ERFL: variants seen among roughly 807,000 people sequenced by gnomAD.
ERFL encodes the protein ETS domain-containing transcription factor ERF-like.
In ERFL, 8 loss-of-function variants were observed where a neutral mutation model predicts 27.9. The observed-to-expected ratio is 0.29, with a 90% confidence interval of 0.17 to 0.52. The LOEUF is 0.52. Ranked by LOEUF, ERFL falls within the 20% of genes least tolerant of loss-of-function variation. ERFL has a pLI of 0.97. For missense variants in ERFL, 294 were observed against 444.4 expected (o/e 0.66, Z 3.04); for synonymous variants, 174 against 202.8 (o/e 0.86, Z 1.21).
At position 41,910,130 on chromosome 19, in the gene ERFL, C is replaced by T; in HGVS notation, c.68-33G>A. Reference sequence around the variant, plus strand: ...CGGGAGGCAGGGAGTGGCCTGGGGTCAGGATGCCAAGTCCAGGGCTCTGGG... The same window carrying T: ...CGGGAGGCAGGGAGTGGCCTGGGGTTAGGATGCCAAGTCCAGGGCTCTGGG... On this transcript the variant is annotated intron_variant, in intron 2 of 5. Transcript: ENST00000597630. This position sits in a 1 kb window ranked among gnomAD's most constrained non-coding sequence, Gnocchi z 4.4. The T allele has an allele frequency of 6.3e-7, 1 of 1,589,330 alleles. No homozygotes were observed. Among genetic ancestry groups the T allele is most frequent in the Non-Finnish European group, 8.6e-7 (1 of 1,167,648 alleles).
intron 1 of ERFL, among the ~76,000 whole-genome samples, chr19:41,914,660 CTGT>C (rs1555851623): frequency 2.4e-5 from 1 of 41,460 alleles, no homozygotes; most frequent in Non-Finnish European, 4.0e-5. Context: ...TCCACCATCT[CTGT>C]CTCTCCCTCC....
chr19:41,917,899 G>A lies in ERFL; in HGVS notation c.-13-4967C>T, dbSNP rs921977046. ...AACACCCTGTCCCATCTGGGTGCACGAAGCCAGCTCCCCGCGGTCACACAC... is the reference window on the plus strand; with the variant it reads ...AACACCCTGTCCCATCTGGGTGCACAAAGCCAGCTCCCCGCGGTCACACAC... On this transcript the variant is annotated intron_variant, in intron 1 of 5. Coordinates refer to ENST00000597630, the MANE Select transcript of ERFL (RefSeq NM_001365103.2). The surrounding 1 kb of genome is among the most constrained non-coding windows in gnomAD (Gnocchi z 4.8). Among the ~76,000 whole-genome samples the A allele has an allele frequency of 3.3e-5, 5 of 151,854 alleles. No individual in the cohort carries two copies. Among genetic ancestry groups the A allele is most frequent in the African/African-American group, 9.7e-5 (4 of 41,246 alleles).
chr19:41,926,682 C>A, intron 1 of ERFL, among the ~76,000 whole-genome samples: 1 of 150,412 alleles, frequency 6.6e-6, no homozygotes, highest in South Asian at 2.2e-4. Context: ...CTTGGCGATG[C>A]GGAGCGCGTC....
chr19:41,914,079 A>AC (rs71181141), intron 1 of ERFL, among the ~76,000 whole-genome samples: 137,421 of 137,632 alleles, frequency 1, 68,605 homozygotes, highest in Middle Eastern at 1. Flanking sequence ...AGCCCCGCCT[A>AC]CCCCTGGACA....
Position 41,921,259 on chromosome 19 carries a change from G to C in ERFL, c.-14+6781C>G, listed in dbSNP as rs2074840664. Among the ~76,000 whole-genome samples the C allele has an allele frequency of 6.6e-6, 1 of 152,142 alleles. No homozygotes were observed. The highest frequency in any genetic ancestry group is 6.5e-5 in the Admixed American group (1 of 15,282). ...GAGGAACTGGAGGTTGGGGTGGGGG[G>C]CACAGAGAAGGGGAGACATGCAGGG... On this transcript the variant is annotated intron_variant, in intron 1 of 5. Transcript: ENST00000597630. This position sits in a 1 kb window ranked among gnomAD's most constrained non-coding sequence, Gnocchi z 4.4.
chr19:41,918,154 G>C (rs1384086392), intron 1 of ERFL, among the ~76,000 whole-genome samples: 1 of 151,898 alleles, frequency 6.6e-6, no homozygotes, highest in East Asian at 1.9e-4. Flanking sequence ...GCCTGACCCT[G>C]GTTGGGGGTG....
chr19:41,926,920 G>GTA (rs1393540714), intron 1 of ERFL, among the ~76,000 whole-genome samples: 3 of 152,178 alleles, frequency 2.0e-5, no homozygotes, highest in African/African-American at 7.2e-5. Flanking sequence ...GACAGAGACA[G>GTA]AGAGACAGTA....
intron 1 of ERFL, among the ~76,000 whole-genome samples, chr19:41,913,797 C>T: frequency 6.6e-6 from 1 of 150,818 alleles, no homozygotes; most frequent in South Asian, 2.1e-4. Context: ...ATGGCGCCTC[C>T]CCTCCACACA....
In ERFL at chr19:41,928,224, G is replaced by C. The variant is rs1474479613; in HGVS notation, c.-198C>G. 1 of 152,054 alleles carries C rather than the reference G, an allele frequency of 6.6e-6. No individual in the cohort carries two copies. Among genetic ancestry groups the C allele is most frequent in the Non-Finnish European group, 1.5e-5 (1 of 68,012 alleles). The allele number at this position is 152,054 out of a possible 1,614,324, so 9.4% of individuals were successfully genotyped here. ...GAGGAGAGGGAGTCTCTGAGACGCC[G>C]GGACAGGAGAGACTCAGAGACGGAG... On this transcript the variant is annotated 5_prime_UTR_variant, in exon 1 of 6. Coordinates refer to ENST00000597630, the MANE Select transcript of ERFL (RefSeq NM_001365103.2).
At chr19:41,913,161 GCCT>G (rs1350408244) in intron 1 of ERFL, among the ~76,000 whole-genome samples, 4 of 150,818 alleles carry the variant, frequency 2.7e-5, no homozygotes, top group Non-Finnish European at 5.9e-5. Flanking sequence ...TCCTCCCGCA[GCCT>G]CCTCCTCACT....
chr19:41,927,142 A>C (rs1555853336), intron 1 of ERFL, among the ~76,000 whole-genome samples: 1 of 152,172 alleles, frequency 6.6e-6, no homozygotes, highest in Non-Finnish European at 1.5e-5. Context: ...AGAGGTGGAC[A>C]CAGAGATGCT....
In ERFL at chr19:41,909,722, A is replaced by C; in HGVS notation, c.302+141T>G. Reference sequence around the variant, plus strand: ...TCCTCCTCGCCTCCCTTCCACTCACAAGTAGCGATGGTGGCTACTCACGCA... The same window carrying C: ...TCCTCCTCGCCTCCCTTCCACTCACCAGTAGCGATGGTGGCTACTCACGCA... On this transcript the variant is annotated intron_variant, in intron 3 of 5. Transcript: ENST00000597630. The surrounding 1 kb of genome is among the most constrained non-coding windows in gnomAD (Gnocchi z 5.2). 1 of 1,017,792 alleles carries C rather than the reference A, an allele frequency of 9.8e-7. No homozygotes were observed. The allele number at this position is 1,017,792 out of a possible 1,614,324, so 63.0% of individuals were successfully genotyped here. A position where few individuals can be genotyped will look rare whatever the true frequency, so the allele number is the denominator to read the frequency against.
intron 1 of ERFL, among the ~76,000 whole-genome samples, chr19:41,923,974 G>A (rs1427142424): frequency 9.9e-6 from 1 of 101,268 alleles, no homozygotes; most frequent in African/African-American, 4.1e-5. Flanking sequence ...GGGAGGTAGG[G>A]GTGCGCTGGG....
At chr19:41,913,309 C>T (rs1030904863) in intron 1 of ERFL, among the ~76,000 whole-genome samples, 3 of 150,826 alleles carry the variant, frequency 2.0e-5, no homozygotes, top group African/African-American at 7.3e-5. Context: ...TCTCTGCTGC[C>T]GTCTCCCGTC....
rs2074811006 is a variant in ERFL at position 41,917,798 on chromosome 19, C to T, written c.-13-4866G>A. Among the ~76,000 whole-genome samples the T allele has an allele frequency of 6.6e-6, 1 of 151,978 alleles. No individual in the cohort carries two copies. Among genetic ancestry groups the T allele is most frequent in the African/African-American group, 2.4e-5 (1 of 41,322 alleles). ...CCACAGTGACACCCACTAGTAGGCA[C>T]ACACACACCATGCACAGCCCCAGCC... On this transcript the variant is annotated intron_variant, in intron 1 of 5. Coordinates refer to ENST00000597630, the MANE Select transcript of ERFL (RefSeq NM_001365103.2). This position sits in a 1 kb window ranked among gnomAD's most constrained non-coding sequence, Gnocchi z 4.8.
intron 1 of ERFL, chr19:41,923,059 C>T (rs561408199): frequency 2.3e-6 from 1 of 434,536 alleles, no homozygotes; most frequent in South Asian, 1.6e-5. Flanking sequence ...AAGTTCAGCG[C>T]CCCCTCTGAC....
intron 2 of ERFL, among the ~76,000 whole-genome samples, 194 bp downstream of exon 2, chr19:41,912,659 G>T (rs958954670): frequency 6.6e-6 from 1 of 152,230 alleles, no homozygotes; most frequent in African/African-American, 2.4e-5. Flanking sequence ...CACGCAGGGG[G>T]CAGGGGAATC....
Position 41,910,105 on chromosome 19 carries a change from C to A in ERFL, c.68-8G>T. On this transcript the variant is annotated splice_region_variant and splice_polypyrimidine_tract_variant and intron_variant, in intron 2 of 5. Coordinates refer to ENST00000597630, the MANE Select transcript of ERFL (RefSeq NM_001365103.2). This position sits in a 1 kb window ranked among gnomAD's most constrained non-coding sequence, Gnocchi z 4.4. ...AATCCGGGAAGGCAAACCCTGGGGA[C>A]GGGAGGCAGGGAGTGGCCTGGGGTC... 1 of 1,609,442 alleles carries A rather than the reference C, an allele frequency of 6.2e-7. No individual in the cohort carries two copies. Among genetic ancestry groups the A allele is most frequent in the Non-Finnish European group, 8.5e-7 (1 of 1,178,170 alleles).
intron 1 of ERFL, among the ~76,000 whole-genome samples, chr19:41,926,757 G>A (rs1210686440): frequency 4.6e-5 from 7 of 152,154 alleles, no homozygotes. Flanking sequence ...TGATAGATCC[G>A]CGCGCCGCTT....
Sources: allele counts gnomAD v4.1 joint callset (sites outside exome capture counted in the v4.1 genomes callset), GRCh38; gene constraint gnomAD v4.1.1; non-coding constraint Gnocchi (gnomAD v3.1); transcripts MANE v1.5; gene names NCBI Gene and HGNC (gene_info 2026-07-23, HGNC 2026-07-21).